ASCC3: variants seen among roughly 807,000 people sequenced by gnomAD.
The protein encoded by ASCC3 is activating signal cointegrator 1 complex subunit 3, also known as ASC-1 complex subunit P200.
ASCC3 carries 158 observed loss-of-function variants against 256.3 expected under a neutral mutation model. The ratio of observed to expected loss-of-function variants is 0.62; its 90% confidence interval spans 0.54 to 0.70. ASCC3 has a LOEUF of 0.70. ASCC3 is among the 30% of genes least tolerant of loss of function. The pLI, the probability that ASCC3 is intolerant of heterozygous loss-of-function variation, is 0.00. For synonymous variants in ASCC3, 948 were observed against 883.4 expected (o/e 1.07, Z -1.30); for missense variants, 2,259 against 2,626.0 (o/e 0.86, Z 3.05).
rs846780 is a variant in ASCC3, at chr6:100,847,767, G to A, written c.801+381C>T. Among the ~76,000 whole-genome samples the A allele has an allele frequency of 6.9e-3, 1,056 of 152,280 alleles. 11 individuals carry two copies. The highest frequency in any genetic ancestry group is 0.024 in the African/African-American group (1,013 of 41,568). Reference sequence around the variant, plus strand: ...TCACAACCAGTAAGTGGAAAGGGAAGAACAAACTGATTTCAAAGCCTGTCC... The same window carrying A: ...TCACAACCAGTAAGTGGAAAGGGAAAAACAAACTGATTTCAAAGCCTGTCC... On this transcript the variant is annotated intron_variant, in intron 4 of 41. Coordinates refer to ENST00000369162, the MANE Select transcript of ASCC3 (RefSeq NM_006828.4).
chr6:100,715,032 CA>C (rs1779026177), intron 13 of ASCC3: 1 of 153,508 alleles, frequency 6.5e-6, no homozygotes, highest in South Asian at 2.0e-4. Flanking sequence ...GGGAAGTGGA[CA>C]ATTTTTATAT....
chr6:100,827,300 T>C (rs545476858), intron 4 of ASCC3, among the ~76,000 whole-genome samples: 1 of 152,338 alleles, frequency 6.6e-6, no homozygotes, highest in African/African-American at 2.4e-5. Flanking sequence ...TATCACTCAT[T>C]ACCCTTAAAA....
chr6:100,711,601 A>G (rs1027798624), intron 13 of ASCC3, among the ~76,000 whole-genome samples: 3 of 152,092 alleles, frequency 2.0e-5, no homozygotes, highest in Non-Finnish European at 4.4e-5. Flanking sequence ...GTGGTGGTAC[A>G]TGCCTGTAAT....
chr6:100,565,308 G>T (rs888628912), intron 36 of ASCC3, among the ~76,000 whole-genome samples: 1 of 152,148 alleles, frequency 6.6e-6, no homozygotes, highest in East Asian at 1.9e-4. Flanking sequence ...TACGAACACA[G>T]CTTCCTCATA....
At chr6:100,631,000 C>A (rs1193508253) in intron 26 of ASCC3, 128 bp downstream of exon 26, 2 of 669,798 alleles carry the variant, frequency 3.0e-6, no homozygotes, top group Non-Finnish European at 5.1e-6. Context: ...CAATGTAAAA[C>A]CATTCAGCAG....
At chr6:100,602,581 A>C (rs565466411) in intron 33 of ASCC3, among the ~76,000 whole-genome samples, 9 of 152,206 alleles carry the variant, frequency 5.9e-5, no homozygotes, top group African/African-American at 1.9e-4. Flanking sequence ...ACATGGAGCA[A>C]GTATAGAATA....
In ASCC3 at chr6:100,864,078, G is replaced by A. The variant is rs1452943921; in HGVS notation, c.227C>T (p.Ala76Val). 6.3e-7 allele frequency: 1 copy of A among 1,578,500 alleles called. No homozygotes were observed. The highest frequency in any genetic ancestry group is 1.7e-5 in the Admixed American group (1 of 58,204). The change falls in exon 3 of 42, where the codon GCT (alanine) becomes GTT (valine). Residue 76 changes from alanine to valine, a missense_variant. This residue lies in a region of ASCC3 where 420 missense variants were observed against 419.3 expected (regional missense o/e 1.00). Coordinates refer to ENST00000369162, the MANE Select transcript of ASCC3 (RefSeq NM_006828.4). ...INEDLKDILHAAKQIVGTDNG... is the reference protein window; with the variant it reads ...INEDLKDILHVAKQIVGTDNG... Reference sequence around the variant, plus strand: ...GAAAACTATACCTATCTGCTTTGCAGCATGTAATATATCTTTTAAGTCTTC... The same window carrying A: ...GAAAACTATACCTATCTGCTTTGCAACATGTAATATATCTTTTAAGTCTTC...
chr6:100,650,773 T>C lies in ASCC3; in HGVS notation c.3076-59A>G, dbSNP rs41288405. On this transcript the variant is annotated intron_variant, in intron 19 of 41. Transcript: ENST00000369162. Reference sequence around the variant, plus strand: ...GGCTGATTTATTTAAATTTTTCACATTGAAATTAAATACATTGCATGTTTT... The same window carrying C: ...GGCTGATTTATTTAAATTTTTCACACTGAAATTAAATACATTGCATGTTTT... 2.9e-3 allele frequency: 3,957 copies of C among 1,354,466 alleles called. 33 individuals are homozygous for C. Among genetic ancestry groups the C allele is most frequent in the Non-Finnish European group, 2.4e-3 (2,258 of 954,272 alleles). The allele number at this position is 1,354,466 out of a possible 1,614,324, so 83.9% of individuals were successfully genotyped here. A position where few individuals can be genotyped will look rare whatever the true frequency, so the allele number is the denominator to read the frequency against.
chr6:100,676,822 C>T (rs1197821688), intron 14 of ASCC3, among the ~76,000 whole-genome samples: 1 of 151,932 alleles, frequency 6.6e-6, no homozygotes, highest in Non-Finnish European at 1.5e-5. Flanking sequence ...GTTATTTACA[C>T]AAATAAAAAT....
intron 26 of ASCC3, 54 bp from the exon 27 acceptor site, chr6:100,629,235 TGGAAA>T: frequency 6.5e-7 from 1 of 1,527,576 alleles, no homozygotes; most frequent in Non-Finnish European, 9.0e-7. Context: ...CAAATGACCT[TGGAAA>T]TGCAAAAACC....
intron 4 of ASCC3, among the ~76,000 whole-genome samples, chr6:100,846,729 T>C (rs1004780058): frequency 6.6e-6 from 1 of 152,206 alleles, no homozygotes; most frequent in Non-Finnish European, 1.5e-5. Context: ...AATCTAGTCA[T>C]ATTTTAAGAA....
At chr6:100,590,365 A>C (rs1029768204) in intron 34 of ASCC3, among the ~76,000 whole-genome samples, 2 of 152,046 alleles carry the variant, frequency 1.3e-5, no homozygotes, top group African/African-American at 4.8e-5. Context: ...ACATAAGTCC[A>C]GCTCTGTATA....
At chr6:100,821,235 C>CA (rs1056944502) in intron 4 of ASCC3, among the ~76,000 whole-genome samples, 2 of 152,142 alleles carry the variant, frequency 1.3e-5, no homozygotes, top group African/African-American at 4.8e-5. Flanking sequence ...AGTTGAGTCT[C>CA]AAACTCCTGG....
chr6:100,612,810 A>C (rs777772056), intron 30 of ASCC3, among the ~76,000 whole-genome samples: 6 of 152,004 alleles, frequency 3.9e-5, no homozygotes, highest in Non-Finnish European at 8.8e-5. Flanking sequence ...CAATACTCCC[A>C]AAATTTATAC....
At chr6:100,591,441 T>C (rs1771994428) in intron 34 of ASCC3, among the ~76,000 whole-genome samples, 1 of 152,090 alleles carries the variant, frequency 6.6e-6, no homozygotes, top group African/African-American at 2.4e-5. Context: ...TTCTACAATA[T>C]AAGTGCTTAC....
intron 10 of ASCC3, among the ~76,000 whole-genome samples, chr6:100,733,189 A>G (rs1779988478): frequency 6.6e-6 from 1 of 152,212 alleles, no homozygotes; most frequent in Admixed American, 6.5e-5. Context: ...GAGAACCTCA[A>G]TAAAAGTGTT....
intron 3 of ASCC3, among the ~76,000 whole-genome samples, chr6:100,861,981 T>C (rs180999873): frequency 2.6e-5 from 4 of 152,260 alleles, no homozygotes; most frequent in Admixed American, 2.6e-4. Context: ...TCATTACATT[T>C]TTGCTCAGTA....
chr6:100,606,850 G>C lies in ASCC3; in HGVS notation c.4934C>G (p.Ala1645Gly). Residue 1645 changes from alanine to glycine, a missense_variant, in exon 32 of 42, where the codon GCT becomes GGT. By Grantham distance (60) the Ala-to-Gly change is moderately conservative. Around this residue, in one of 2 missense-constraint regions of ASCC3, gnomAD observed 1,839 missense variants for 2,206.7 expected, o/e 0.83. Coordinates refer to ENST00000369162, the MANE Select transcript of ASCC3 (RefSeq NM_006828.4). ...FVNCKVQVLI[A>G]TSTLAWGVNF... ...TACACCCCAGGCTAATGTGCTTGTA[G>C]CAATAAGAACCTAAAAAGCAAAATA... 1 of 1,611,498 alleles carries C rather than the reference G, an allele frequency of 6.2e-7. No homozygotes were observed. The highest frequency in any genetic ancestry group is 8.5e-7 in the Non-Finnish European group (1 of 1,178,854).
intron 29 of ASCC3, among the ~76,000 whole-genome samples, chr6:100,627,143 A>G (rs1196157855): frequency 1.3e-5 from 2 of 152,154 alleles, no homozygotes; most frequent in Non-Finnish European, 2.9e-5. Flanking sequence ...TAGGAGTGCT[A>G]TTCTTAAATC....
Sources: gnomAD v4.1 joint callset for allele counts (sites outside exome capture counted in the v4.1 genomes callset) on GRCh38, gnomAD v4.1.1 for gene constraint, gnomAD v4.1.1 regional missense constraint, MANE v1.5 for transcripts, NCBI Gene and HGNC (gene_info 2026-07-23, HGNC 2026-07-21) for gene names.